The following GORASP2 variants were observed in gnomAD, a reference collection of about 807,000 sequenced individuals.
GORASP2 encodes the protein Golgi reassembly-stacking protein 2.
In GORASP2, 22 loss-of-function variants were observed where a neutral mutation model predicts 45.7. That is an observed-to-expected ratio of 0.48 (90% CI 0.34 to 0.69). The LOEUF is 0.69. GORASP2 is among the 30% of genes least tolerant of loss of function. The pLI is 0.01. For missense variants in GORASP2, 491 were observed against 562.7 expected, an observed-to-expected ratio of 0.87 and a Z score of 1.29; for synonymous variants, 221 against 215.6, an observed-to-expected ratio of 1.02 and a Z score of -0.22.
chr2:170,953,330 TG>T (rs1704345419), intron 5 of GORASP2, among the ~76,000 whole-genome samples: 1 of 151,074 alleles, frequency 6.6e-6, no homozygotes, highest in African/African-American at 2.4e-5. Context: ...TGCTACAGCC[TG>T]GGCAACAGAA....
intron 1 of GORASP2, among the ~76,000 whole-genome samples, chr2:170,943,739 C>T (rs1011698641): frequency 2.0e-5 from 3 of 152,180 alleles, no homozygotes; most frequent in East Asian, 1.9e-4. Flanking sequence ...GTGGCGTGAT[C>T]CTGACTCACT....
At chr2:170,932,069 T>C (rs1703838375) in intron 1 of GORASP2, among the ~76,000 whole-genome samples, 1 of 152,118 alleles carries the variant, frequency 6.6e-6, no homozygotes, top group Non-Finnish European at 1.5e-5. Flanking sequence ...CTATTAAAAA[T>C]ATAAAAAATT....
chr2:170,930,122 G>C (rs1396031784), intron 1 of GORASP2, among the ~76,000 whole-genome samples: 2 of 152,206 alleles, frequency 1.3e-5, no homozygotes, highest in Non-Finnish European at 2.9e-5. Context: ...AGGTAGTGCA[G>C]AGAAATTTTT....
At chr2:170,946,768 C>CAA (rs10692734) in intron 1 of GORASP2, among the ~76,000 whole-genome samples, 1,904 of 104,988 alleles carry the variant, frequency 0.018, 64 homozygotes, top group African/African-American at 0.055. Flanking sequence ...CATGCCTCTA[C>CAA]AAAAAAAAAA....
chr2:170,962,468 A>G, intron 8 of GORASP2, among the ~76,000 whole-genome samples: 1 of 152,250 alleles, frequency 6.6e-6, no homozygotes, highest in East Asian at 1.9e-4. Flanking sequence ...AAAGTCATAG[A>G]GACTGTAAAC....
chr2:170,942,174 C>G (rs1193641279), intron 1 of GORASP2, among the ~76,000 whole-genome samples: 2 of 152,102 alleles, frequency 1.3e-5, no homozygotes, highest in East Asian at 3.8e-4. Flanking sequence ...AATCTTTTCT[C>G]CATTTCTCTA....
Position 170,956,423 on chromosome 2 carries a change from CT to C in GORASP2, c.700-6del, listed in dbSNP as rs779528537. 1.9e-6 allele frequency: 3 copies of C among 1,564,372 alleles called. No individual in the cohort carries two copies. Among genetic ancestry groups the C allele is most frequent in the South Asian group, 1.2e-5 (1 of 84,314 alleles). On this transcript the variant is annotated splice_polypyrimidine_tract_variant and intron_variant, in intron 6 of 9. Coordinates refer to ENST00000234160, the MANE Select transcript of GORASP2 (RefSeq NM_015530.5). The stretch of plus-strand genomic sequence containing the variant: ...TTAAGTAATCTTTGTGTTTTTTTTT[CT>C]TTTTTTGGAAGGTCCAGCTGTCCTC...
chr2:170,931,979 A>G (rs1703835481), intron 1 of GORASP2, among the ~76,000 whole-genome samples: 1 of 152,210 alleles, frequency 6.6e-6, no homozygotes, highest in Admixed American at 6.5e-5. Flanking sequence ...TGTAATCCCC[A>G]CTTTGGGAGG....
At chr2:170,962,529 A>G (rs1205120165) in intron 8 of GORASP2, among the ~76,000 whole-genome samples, 1 of 152,252 alleles carries the variant, frequency 6.6e-6, no homozygotes, top group Non-Finnish European at 1.5e-5. Context: ...ATCTACTGAA[A>G]CAAATCAGCC....
chr2:170,936,651 T>A (rs747361872), intron 1 of GORASP2: 22 of 1,299,908 alleles, frequency 1.7e-5, no homozygotes, highest in Non-Finnish European at 2.1e-5. Flanking sequence ...TCAAGCACAT[T>A]GTCAGAAATA....
chr2:170,933,223 G>A (rs946362524), intron 1 of GORASP2, among the ~76,000 whole-genome samples: 10 of 152,134 alleles, frequency 6.6e-5, no homozygotes, highest in Non-Finnish European at 1.0e-4. Flanking sequence ...TCCTTATATA[G>A]TGGGTCAGAT....
At chr2:170,933,505 G>A (rs1197352014) in intron 1 of GORASP2, among the ~76,000 whole-genome samples, 7 of 151,738 alleles carry the variant, frequency 4.6e-5, no homozygotes, top group Non-Finnish European at 8.8e-5. Flanking sequence ...CTATACATTC[G>A]CTCAAAATTG....
intron 7 of GORASP2, among the ~76,000 whole-genome samples, chr2:170,957,325 G>A (rs560365810): frequency 3.3e-5 from 5 of 151,806 alleles, no homozygotes; most frequent in East Asian, 1.9e-4. Flanking sequence ...TGCCCAGGCC[G>A]GAGTACAATG....
At chr2:170,938,223 T>G (rs959749852) in intron 1 of GORASP2, among the ~76,000 whole-genome samples, 1 of 152,264 alleles carries the variant, frequency 6.6e-6, no homozygotes, top group Non-Finnish European at 1.5e-5. Context: ...AGCTGATGCC[T>G]TTATTACTAG....
At chr2:170,948,568 TTAA>T (rs1432792755) in intron 2 of GORASP2, 138 bp downstream of exon 2, 9 of 576,564 alleles carry the variant, frequency 1.6e-5, no homozygotes, top group Non-Finnish European at 2.7e-5. Flanking sequence ...TAATCATGTA[TTAA>T]TAAACATTGA....
At chr2:170,965,666 T>C in intron 9 of GORASP2, 124 bp from the exon 10 acceptor site, 1 of 704,814 alleles carries the variant, frequency 1.4e-6, no homozygotes, top group Non-Finnish European at 2.5e-6. Flanking sequence ...GCCAAGGTTG[T>C]GATTTGTGTT....
chr2:170,935,475 G>T (rs1357538846), intron 1 of GORASP2, among the ~76,000 whole-genome samples: 1 of 151,636 alleles, frequency 6.6e-6, no homozygotes, highest in Non-Finnish European at 1.5e-5. Flanking sequence ...GGTTGGTCTA[G>T]AACTTCAGAC....
At chr2:170,930,369 A>G (rs781090946) in intron 1 of GORASP2, among the ~76,000 whole-genome samples, 1 of 152,222 alleles carries the variant, frequency 6.6e-6, no homozygotes, top group African/African-American at 2.4e-5. Context: ...GAGTGGCCGC[A>G]GCGTGTAGCG....
At chr2:170,951,893 A>G (rs1017234645) in intron 5 of GORASP2, among the ~76,000 whole-genome samples, 2 of 152,242 alleles carry the variant, frequency 1.3e-5, no homozygotes, top group Non-Finnish European at 1.5e-5. Context: ...ATGTTTCGCC[A>G]CAAGTATTCT....
Sources: allele counts gnomAD v4.1 joint callset (sites outside exome capture counted in the v4.1 genomes callset), GRCh38; gene constraint gnomAD v4.1.1; transcripts MANE v1.5; gene names NCBI Gene and HGNC (gene_info 2026-07-23, HGNC 2026-07-21).